TMPRSS15: variants seen among roughly 807,000 people sequenced by gnomAD.
TMPRSS15 encodes enteropeptidase.
Under a neutral mutation model 125.3 loss-of-function variants are expected in TMPRSS15, and 128 were observed. The ratio of observed to expected loss-of-function variants is 1.02; its 90% CI spans 0.89 to 1.18. TMPRSS15 has a LOEUF of 1.18. Ranked by LOEUF, TMPRSS15 falls within the 50% of genes most tolerant of loss-of-function variation. TMPRSS15 has a pLI of 0.00. For synonymous variants in TMPRSS15, 446 were observed against 423.2 expected (o/e 1.05, Z -0.66); for missense variants, 1,283 against 1,212.7 (o/e 1.06, Z -0.86).
Position 18,429,071 on chromosome 21 carries a change from G to T in TMPRSS15, c.11-30742C>A, listed in dbSNP as rs139123628. On this transcript the variant is annotated intron_variant, in intron 1 of 7. Transcript: ENST00000422787. Reference sequence around the variant, plus strand: ...CAGCATCAGTGTGACCTGGATGTGAGACCTGGAGTCAAAGGAGATCATTTT... The same window carrying T: ...CAGCATCAGTGTGACCTGGATGTGATACCTGGAGTCAAAGGAGATCATTTT... 1.7e-4 allele frequency among the ~76,000 whole-genome samples: 26 copies of T among 152,294 alleles called. No homozygotes were observed. In the East Asian group the frequency reaches 4.4e-3, roughly 26 times the overall value.
chr21:18,468,660 C>A (rs1478545875), intron 1 of TMPRSS15, among the ~76,000 whole-genome samples: 2 of 152,146 alleles, frequency 1.3e-5, no homozygotes. Context: ...ACCACAGCTT[C>A]AAAAACATAA....
chr21:18,370,926 A>G (rs2075785825), intron 6 of TMPRSS15, among the ~76,000 whole-genome samples: 1 of 152,196 alleles, frequency 6.6e-6, no homozygotes, highest in African/African-American at 2.4e-5. Flanking sequence ...TGTAGCAAAT[A>G]GTAACTATGG....
intron 21 of TMPRSS15, among the ~76,000 whole-genome samples, chr21:18,288,623 C>T (rs1451738579): frequency 7.1e-6 from 1 of 141,472 alleles, no homozygotes; most frequent in Admixed American, 8.1e-5. Flanking sequence ...TCACCACAAC[C>T]TTCGCCTCCC....
chr21:18,458,667 A>G (rs775076119), intron 1 of TMPRSS15, among the ~76,000 whole-genome samples: 3 of 152,158 alleles, frequency 2.0e-5, no homozygotes, highest in East Asian at 3.9e-4. Context: ...TGCAAAAACT[A>G]TGTATTTCAC....
intron 1 of TMPRSS15, among the ~76,000 whole-genome samples, chr21:18,457,871 G>A (rs1464993266): frequency 6.6e-6 from 1 of 152,082 alleles, no homozygotes; most frequent in Non-Finnish European, 1.5e-5. Context: ...TCTGTGGCCT[G>A]AGCACTTAGA....
intron 1 of TMPRSS15, among the ~76,000 whole-genome samples, chr21:18,446,230 C>G (rs1445392773): frequency 6.6e-6 from 1 of 151,924 alleles, no homozygotes; most frequent in Non-Finnish European, 1.5e-5. Flanking sequence ...TATAAAATAC[C>G]TAGGAATCAA....
intron 1 of TMPRSS15, among the ~76,000 whole-genome samples, chr21:18,440,649 TA>T (rs1006738468): frequency 2.0e-5 from 3 of 151,866 alleles, no homozygotes; most frequent in African/African-American, 4.8e-5. Flanking sequence ...CTACTCAATT[TA>T]AAAAAAATCA....
At chr21:18,350,672 C>T (rs2075558749) in intron 10 of TMPRSS15, among the ~76,000 whole-genome samples, 1 of 151,970 alleles carries the variant, frequency 6.6e-6, no homozygotes, top group South Asian at 2.1e-4. Flanking sequence ...CTTAGCCCCA[C>T]CCTCCCCATC....
At chr21:18,450,342 A>G (rs1406895037) in intron 1 of TMPRSS15, among the ~76,000 whole-genome samples, 5 of 151,910 alleles carry the variant, frequency 3.3e-5, no homozygotes, top group African/African-American at 1.2e-4. Flanking sequence ...CTTTTGTCGT[A>G]GTTTGAAAGG....
intron 1 of TMPRSS15, among the ~76,000 whole-genome samples, chr21:18,484,849 A>AT (rs749611189): frequency 4.5e-4 from 68 of 151,546 alleles, no homozygotes; most frequent in African/African-American, 1.3e-3. Context: ...CTGCCACTGT[A>AT]TTTTTTCTGT....
intron 1 of TMPRSS15, among the ~76,000 whole-genome samples, chr21:18,444,409 C>T (rs1157606726): frequency 6.6e-6 from 1 of 152,108 alleles, no homozygotes; most frequent in Non-Finnish European, 1.5e-5. Context: ...CGCATGTTCT[C>T]ACTCATAAGT....
intron 1 of TMPRSS15, among the ~76,000 whole-genome samples, chr21:18,402,153 T>C (rs892586029): frequency 6.6e-6 from 1 of 152,226 alleles, no homozygotes; most frequent in Non-Finnish European, 1.5e-5. Flanking sequence ...CTATGGCATG[T>C]GCATTACATT....
intron 21 of TMPRSS15, among the ~76,000 whole-genome samples, chr21:18,282,592 A>G (rs2074714406): frequency 6.6e-6 from 1 of 152,220 alleles, no homozygotes; most frequent in South Asian, 2.1e-4. Context: ...GTGAGCGTCC[A>G]AGCATTCAGT....
chr21:18,412,269 C>T (rs2076167865), intron 1 of TMPRSS15, among the ~76,000 whole-genome samples: 1 of 152,166 alleles, frequency 6.6e-6, no homozygotes, highest in African/African-American at 2.4e-5. Context: ...TTTCTCAATG[C>T]TCTTTTATCT....
Position 18,353,070 on chromosome 21 carries a change from G to A in TMPRSS15, c.1022-18C>T, listed in dbSNP as rs1233915651. On this transcript the variant is annotated intron_variant, in intron 9 of 24. Transcript: ENST00000284885. The stretch of plus-strand genomic sequence containing the variant: ...CTCATAATCTGTGAATGAAAAAAAA[G>A]AAGGAATAAAAAAAATTTAGTCCAT... The A allele has an allele frequency of 1.9e-6, 3 of 1,604,308 alleles. No individual in the cohort carries two copies. In the African/African-American group the frequency reaches 4.0e-5, roughly 22 times the overall value.
At chr21:18,375,759 G>A (rs1040371304) in intron 5 of TMPRSS15, among the ~76,000 whole-genome samples, 5 of 152,010 alleles carry the variant, frequency 3.3e-5, no homozygotes, top group African/African-American at 1.2e-4. Flanking sequence ...TGAAGAATTC[G>A]GTATACACTC....
intron 22 of TMPRSS15, among the ~76,000 whole-genome samples, chr21:18,279,989 A>G (rs1028457145): frequency 2.0e-5 from 3 of 152,194 alleles, no homozygotes; most frequent in African/African-American, 7.2e-5. Flanking sequence ...ACAAAAATGA[A>G]TAAGACACAG....
chr21:18,457,972 C>A (rs1446074501), intron 1 of TMPRSS15, among the ~76,000 whole-genome samples: 2 of 152,086 alleles, frequency 1.3e-5, no homozygotes, highest in Admixed American at 6.6e-5. Flanking sequence ...CGTTGTTATA[C>A]CCTTTAGTAA....
At chr21:18,339,601 C>A (rs997574079) in intron 13 of TMPRSS15, among the ~76,000 whole-genome samples, 1 of 152,004 alleles carries the variant, frequency 6.6e-6, no homozygotes, top group African/African-American at 2.4e-5. Flanking sequence ...CAGATCCATG[C>A]AGAACAAAAC....
Sources: allele counts gnomAD v4.1 joint callset (sites outside exome capture counted in the v4.1 genomes callset), GRCh38; gene constraint gnomAD v4.1.1; transcripts MANE v1.5; gene names NCBI Gene and HGNC (gene_info 2026-07-23, HGNC 2026-07-21).